SPATA6: variants seen among roughly 807,000 people sequenced by gnomAD.
SPATA6 encodes the protein spermatogenesis-associated protein 6.
A neutral mutation model predicts 65.3 loss-of-function variants in SPATA6; 56 were observed. The observed-to-expected ratio is 0.86, with a 90% CI of 0.69 to 1.07. SPATA6 has a LOEUF of 1.07. Among genes scored for constraint, SPATA6 ranks in the 50% least tolerant of loss-of-function variants. The probability of loss-of-function intolerance (pLI) is 0.00; values close to 1 mark genes in which losing one functional copy is unlikely to be tolerated. For missense variants in SPATA6, 590 were observed against 594.8 expected (o/e 0.99, Z 0.08); for synonymous variants, 199 against 213.2 (o/e 0.93, Z 0.58).
chr1:48,349,804 T>G (rs1398401401), intron 11 of SPATA6, among the ~76,000 whole-genome samples: 1 of 151,928 alleles, frequency 6.6e-6, no homozygotes, highest in Non-Finnish European at 1.5e-5. Context: ...TAGATCATTC[T>G]TTTTTATTGT....
chr1:48,398,191 T>G (rs1570446525), intron 7 of SPATA6, among the ~76,000 whole-genome samples: 1 of 151,446 alleles, frequency 6.6e-6, no homozygotes, highest in South Asian at 2.1e-4. Context: ...TCTGTAGAAA[T>G]GAGAAAAGTA....
chr1:48,458,159 ATAAT>A (rs768049831), intron 1 of SPATA6, among the ~76,000 whole-genome samples: 32 of 152,196 alleles, frequency 2.1e-4, no homozygotes, highest in Admixed American at 5.9e-4. Flanking sequence ...ACACTAAAAA[ATAAT>A]TAACACAAAA....
chr1:48,367,528 T>C (rs1256476452), intron 9 of SPATA6, among the ~76,000 whole-genome samples: 1 of 152,248 alleles, frequency 6.6e-6, no homozygotes, highest in Non-Finnish European at 1.5e-5. Context: ...TCTTGTTGAA[T>C]TGATCCCTTT....
intron 3 of SPATA6, among the ~76,000 whole-genome samples, chr1:48,439,526 G>A (rs1386976841): frequency 6.6e-6 from 1 of 152,062 alleles, no homozygotes; most frequent in African/African-American, 2.4e-5. Flanking sequence ...GATCAGCAGG[G>A]TCCAGGGACC....
At chr1:48,274,992 GT>G in the SPATA6 span, among the ~76,000 whole-genome samples, 1 of 152,064 alleles carries the variant, frequency 6.6e-6, no homozygotes, top group Non-Finnish European at 1.5e-5. Flanking sequence ...TTTTCCATTT[GT>G]TTATGTCCTC....
intron 3 of SPATA6, among the ~76,000 whole-genome samples, chr1:48,423,009 TA>T (rs1464088493): frequency 2.0e-5 from 3 of 152,146 alleles, no homozygotes; most frequent in Non-Finnish European, 4.4e-5. Context: ...TAAACAGCAT[TA>T]AAGAATGAAC....
chr1:48,276,950 T>C, the SPATA6 span, among the ~76,000 whole-genome samples: 11 of 152,284 alleles, frequency 7.2e-5, no homozygotes, highest in African/African-American at 2.6e-4. Flanking sequence ...ACTATTATTG[T>C]GTGGAAGTCT....
chr1:48,298,420 G>A lies in SPATA6; in HGVS notation c.*293C>T. ...CTAGAAAGGAACTATTCTTGGATTT[G>A]CAGATGGAATATGAGGTGTACATGT... On this transcript the variant is annotated 3_prime_UTR_variant, in exon 13 of 13. Coordinates refer to ENST00000371847, the MANE Select transcript of SPATA6 (RefSeq NM_019073.4). 4.6e-6 allele frequency: 1 copy of A among 216,134 alleles called. No individual in the cohort carries two copies. The highest frequency in any genetic ancestry group is 9.9e-5 in the East Asian group (1 of 10,140). 13.4% of individuals were successfully genotyped at this position (216,134 alleles called of 1,614,324 possible).
intron 4 of SPATA6, among the ~76,000 whole-genome samples, chr1:48,411,934 G>A (rs1475417598): frequency 6.6e-6 from 1 of 151,668 alleles, no homozygotes; most frequent in Non-Finnish European, 1.5e-5. Context: ...TGCCATCTCA[G>A]CTCACTGCAA....
At chr1:48,425,634 A>T (rs72895168) in intron 3 of SPATA6, among the ~76,000 whole-genome samples, 3,758 of 152,298 alleles carry the variant, frequency 0.025, 98 homozygotes, top group African/African-American at 0.067. Flanking sequence ...AACAGAACAG[A>T]ATCTAGAAAA....
At chr1:48,304,253 T>C (rs1645006350) in intron 12 of SPATA6, among the ~76,000 whole-genome samples, 1 of 152,194 alleles carries the variant, frequency 6.6e-6, no homozygotes, top group East Asian at 1.9e-4. Context: ...AGTATATATA[T>C]AAGAGAAGCA....
chr1:48,261,921 C>T, the SPATA6 span, among the ~76,000 whole-genome samples: 4 of 152,042 alleles, frequency 2.6e-5, no homozygotes, highest in East Asian at 7.7e-4. Flanking sequence ...ATCATGAAAA[C>T]TCTAACTTAC....
intron 3 of SPATA6, among the ~76,000 whole-genome samples, chr1:48,450,409 T>C (rs951550811): frequency 6.6e-6 from 1 of 151,756 alleles, no homozygotes; most frequent in African/African-American, 2.4e-5. Flanking sequence ...CTAAGTACTC[T>C]TCTTATAGCC....
chr1:48,349,787 G>T (rs532478507), intron 11 of SPATA6, among the ~76,000 whole-genome samples: 17 of 151,964 alleles, frequency 1.1e-4, no homozygotes, highest in African/African-American at 3.9e-4. Flanking sequence ...CATGTTGTGT[G>T]AATTAATAGA....
At chr1:48,401,730 A>G (rs1452949360) in intron 6 of SPATA6, among the ~76,000 whole-genome samples, 1 of 152,086 alleles carries the variant, frequency 6.6e-6, no homozygotes, top group Non-Finnish European at 1.5e-5. Context: ...ACATGTGAGT[A>G]AAGCCATCCT....
chr1:48,326,710 C>T (rs935188442), intron 11 of SPATA6, among the ~76,000 whole-genome samples: 1 of 151,986 alleles, frequency 6.6e-6, no homozygotes, highest in Non-Finnish European at 1.5e-5. Flanking sequence ...AATAAAGCCA[C>T]ATACCCACAA....
intron 3 of SPATA6, among the ~76,000 whole-genome samples, chr1:48,439,506 C>A (rs1467932434): frequency 3.3e-5 from 5 of 151,954 alleles, no homozygotes; most frequent in Non-Finnish European, 7.4e-5. Context: ...TCAGTGAGTG[C>A]AACTAGTCCG....
chr1:48,378,697 T>A (rs771036111), intron 9 of SPATA6, among the ~76,000 whole-genome samples: 5 of 152,140 alleles, frequency 3.3e-5, no homozygotes, highest in African/African-American at 4.8e-5. Flanking sequence ...CGCTTACAGT[T>A]CAATCATCTC....
intron 3 of SPATA6, among the ~76,000 whole-genome samples, chr1:48,416,189 G>A (rs578099751): frequency 2.2e-4 from 34 of 152,122 alleles, no homozygotes; most frequent in East Asian, 7.7e-4. Context: ...GTGAAGCAGC[G>A]AGACTCTCTC....
Sources: allele counts gnomAD v4.1 joint callset (sites outside exome capture counted in the v4.1 genomes callset), GRCh38; gene constraint gnomAD v4.1.1; transcripts MANE v1.5; gene names NCBI Gene and HGNC (gene_info 2026-07-23, HGNC 2026-07-21).